The following SLC39A11 variants were observed in gnomAD, a reference collection of about 807,000 sequenced individuals.
SLC39A11 encodes zinc transporter ZIP11.
SLC39A11 carries 33 observed loss-of-function variants against 36.1 expected under a neutral mutation model. The observed-to-expected ratio is 0.91, with a 90% confidence interval of 0.69 to 1.22. SLC39A11 has a LOEUF of 1.22. Among genes scored for constraint, SLC39A11 ranks in the 50% most tolerant of loss-of-function variants. The probability of loss-of-function intolerance (pLI) is 0.00; values close to 1 mark genes in which losing one functional copy is unlikely to be tolerated. For missense variants in SLC39A11, 432 were observed against 430.3 expected, an observed-to-expected ratio of 1.00 and a Z score of -0.03; for synonymous variants, 166 against 170.3, an observed-to-expected ratio of 0.97 and a Z score of 0.20.
At chr17:72,690,170 C>T (rs2071958718) in intron 7 of SLC39A11, among the ~76,000 whole-genome samples, 2 of 152,254 alleles carry the variant, frequency 1.3e-5, no homozygotes, top group Admixed American at 6.5e-5. Flanking sequence ...CCAGGTGAGA[C>T]TGTCCCATGG....
chr17:72,847,235 T>C (rs555454177), intron 6 of SLC39A11, among the ~76,000 whole-genome samples: 24 of 152,110 alleles, frequency 1.6e-4, no homozygotes, highest in Admixed American at 1.2e-3. Flanking sequence ...AAACCCCGTC[T>C]CTTCGAAAAA....
intron 6 of SLC39A11, among the ~76,000 whole-genome samples, chr17:72,791,881 G>A (rs2076717398): frequency 6.6e-6 from 1 of 152,162 alleles, no homozygotes. Flanking sequence ...GTTTCCTGAG[G>A]CCTCCCCAAC....
At chr17:72,652,163 A>C (rs1195261459) in intron 7 of SLC39A11, among the ~76,000 whole-genome samples, 2 of 152,192 alleles carry the variant, frequency 1.3e-5, no homozygotes, top group African/African-American at 4.8e-5. Context: ...ATAAAACTTT[A>C]TCTACACAAA....
intron 5 of SLC39A11, among the ~76,000 whole-genome samples, chr17:72,858,387 T>C (rs1322775744): frequency 6.6e-6 from 1 of 152,234 alleles, no homozygotes; most frequent in African/African-American, 2.4e-5. Flanking sequence ...AGTCCTATGG[T>C]ATAGTTTGAA....
chr17:72,851,305 A>G (rs1041123602), intron 5 of SLC39A11, among the ~76,000 whole-genome samples: 1 of 152,192 alleles, frequency 6.6e-6, no homozygotes, highest in African/African-American at 2.4e-5. Flanking sequence ...ATGGAGCCAA[A>G]TTGTGTGGAT....
intron 5 of SLC39A11, among the ~76,000 whole-genome samples, chr17:72,865,044 T>C (rs1364428325): frequency 6.6e-6 from 1 of 151,984 alleles, no homozygotes; most frequent in Non-Finnish European, 1.5e-5. Context: ...CTAGAAATGA[T>C]GGGTGAGATG....
chr17:72,886,486 A>G (rs930486247), intron 5 of SLC39A11, among the ~76,000 whole-genome samples: 1 of 151,916 alleles, frequency 6.6e-6, no homozygotes, highest in African/African-American at 2.4e-5. Context: ...CGCAAATCCC[A>G]TCAGCTCAAC....
chr17:73,026,306 C>A (rs1381000679), intron 4 of SLC39A11, among the ~76,000 whole-genome samples: 1 of 151,712 alleles, frequency 6.6e-6, no homozygotes, highest in East Asian at 1.9e-4. Context: ...AGTAGATTAC[C>A]TGAGGTCAGG....
chr17:72,650,623 T>A (rs912173359), intron 7 of SLC39A11, among the ~76,000 whole-genome samples: 7 of 152,076 alleles, frequency 4.6e-5, no homozygotes, highest in African/African-American at 1.7e-4. Flanking sequence ...TCAACAATGA[T>A]CTAAAGGGCG....
At chr17:73,029,560 G>A (rs56025509) in intron 4 of SLC39A11, among the ~76,000 whole-genome samples, 37 of 152,124 alleles carry the variant, frequency 2.4e-4, no homozygotes, top group African/African-American at 8.0e-4. Context: ...ATGTCCAGGG[G>A]ACGGAGACAG....
chr17:72,665,475 T>C (rs898493869), intron 7 of SLC39A11, among the ~76,000 whole-genome samples: 6 of 143,474 alleles, frequency 4.2e-5, no homozygotes, highest in African/African-American at 2.6e-5. Flanking sequence ...ACTGCAGCCT[T>C]GACCTCTCAG....
intron 6 of SLC39A11, among the ~76,000 whole-genome samples, chr17:72,843,196 C>T (rs890421777): frequency 3.9e-5 from 6 of 152,180 alleles, no homozygotes; most frequent in Non-Finnish European, 7.3e-5. Context: ...GATCTGCCTG[C>T]CTCAGCCTCC....
At chr17:72,764,382 G>A (rs560011119) in intron 6 of SLC39A11, among the ~76,000 whole-genome samples, 3 of 152,270 alleles carry the variant, frequency 2.0e-5, no homozygotes, top group Non-Finnish European at 4.4e-5. Context: ...GGACACAGGG[G>A]TATTTATATA....
At position 72,766,512 on chromosome 17, in the gene SLC39A11, T is replaced by C. The variant is rs554341450; in HGVS notation, c.602-29793A>G. ...ATCCTTCTCCTGGCTTGTAGCCACC[T>C]GGACTTTCCAAATAGTCCTTCTCCC... On this transcript the variant is annotated intron_variant, in intron 6 of 9. Transcript: ENST00000255559. Among the ~76,000 whole-genome samples the C allele has an allele frequency of 6.6e-5, 10 of 152,332 alleles. 1 individual carries two copies. In the South Asian group the frequency reaches 1.7e-3, roughly 25 times the overall value.
intron 6 of SLC39A11, among the ~76,000 whole-genome samples, chr17:72,818,583 A>G (rs1361420190): frequency 2.6e-5 from 4 of 152,140 alleles, no homozygotes; most frequent in African/African-American, 9.7e-5. Flanking sequence ...CCACTTCTGA[A>G]TATACTTTTA....
intron 5 of SLC39A11, among the ~76,000 whole-genome samples, chr17:72,925,001 CAAAAAAAAAAAA>C (rs933053304): frequency 1.5e-5 from 1 of 68,954 alleles, no homozygotes. Context: ...GACTCCATTT[CAAAAAAAAAAAA>C]AAAAAAAAGC....
intron 7 of SLC39A11, among the ~76,000 whole-genome samples, chr17:72,675,921 C>T (rs2071237161): frequency 6.6e-6 from 1 of 152,086 alleles, no homozygotes; most frequent in African/African-American, 2.4e-5. Flanking sequence ...TCAGGTAATC[C>T]ACCTGCCTTG....
Position 73,065,346 on chromosome 17 carries a change from A to T in SLC39A11, c.147+19462T>A, listed in dbSNP as rs1221456267. On this transcript the variant is annotated intron_variant, in intron 3 of 9. Coordinates refer to ENST00000255559, the MANE Select transcript of SLC39A11 (RefSeq NM_139177.4). ...CTTGAACCTGGGAGGCAGAGGTTGCAGTGAGCTGAGATCGCACCACTACAT... is the reference window on the plus strand; with the variant it reads ...CTTGAACCTGGGAGGCAGAGGTTGCTGTGAGCTGAGATCGCACCACTACAT... 2.0e-5 allele frequency among the ~76,000 whole-genome samples: 3 copies of T among 152,236 alleles called. No individual in the cohort carries two copies. The East Asian group carries it at 5.8e-4, about 29-fold the overall frequency.
At chr17:73,001,416 G>T (rs1213760283) in intron 4 of SLC39A11, among the ~76,000 whole-genome samples, 1 of 108,732 alleles carries the variant, frequency 9.2e-6, no homozygotes, top group Non-Finnish European at 1.8e-5. Context: ...ACTGTTGTGG[G>T]GTGGGGGGAG....
Sources: allele counts gnomAD v4.1 joint callset (sites outside exome capture counted in the v4.1 genomes callset), GRCh38; gene constraint gnomAD v4.1.1; transcripts MANE v1.5; gene names NCBI Gene and HGNC (gene_info 2026-07-23, HGNC 2026-07-21).